Variants in R3HDM2 observed in about 807,000 individuals in gnomAD.
R3HDM2 encodes R3H domain-containing protein 2.
A neutral mutation model predicts 124.5 loss-of-function variants in R3HDM2; 38 were observed. The observed-to-expected ratio is 0.31, with a 90% CI of 0.24 to 0.40. R3HDM2 has a LOEUF of 0.40. Ranked by LOEUF, R3HDM2 falls within the 10% of genes least tolerant of loss-of-function variation. R3HDM2 has a pLI of 1.00. For synonymous variants in R3HDM2, 391 were observed against 448.0 expected, an observed-to-expected ratio of 0.87 and a Z score of 1.61; for missense variants, 869 against 1,236.9, an observed-to-expected ratio of 0.70 and a Z score of 4.46.
At chr12:57,335,310 T>G (rs1325588185) in intron 2 of R3HDM2, among the ~76,000 whole-genome samples, 1 of 151,166 alleles carries the variant, frequency 6.6e-6, no homozygotes, top group Non-Finnish European at 1.5e-5. Context: ...TGGGTTCAAG[T>G]GATTCTCCTG....
At chr12:57,263,355 A>G (rs2041375949) in intron 19 of R3HDM2, among the ~76,000 whole-genome samples, 2 of 152,210 alleles carry the variant, frequency 1.3e-5, no homozygotes, top group African/African-American at 4.8e-5. Context: ...TGGAAATTTT[A>G]AGGCCAAGTG....
Position 57,256,489 on chromosome 12 carries a change from C to A in R3HDM2, c.2472G>T (p.Leu824Phe). 2 of 1,590,264 alleles carry A rather than the reference C, an allele frequency of 1.3e-6. No individual in the cohort carries two copies. Among genetic ancestry groups the A allele is most frequent in the African/African-American group, 1.3e-5 (1 of 74,436 alleles). ...PAQGDGRYSL[L>F]GQPLQYNLSI... is the part of the protein sequence containing the mutation. ...ACAGATTGTACTGTAATGGCTGGCC[C>A]AAAAGGGAGTAGCGCCCATCACCTA... The change falls in exon 22 of 24, where the codon TTG (leucine) becomes TTT (phenylalanine). Residue 824 changes from leucine to phenylalanine, a missense_variant. By Grantham distance (22) the Leu-to-Phe change is conservative. Transcript: ENST00000402412.
At chr12:57,354,260 A>G (rs1040032150) in intron 2 of R3HDM2, among the ~76,000 whole-genome samples, 25 of 151,614 alleles carry the variant, frequency 1.6e-4, no homozygotes, top group African/African-American at 5.8e-4. Flanking sequence ...TCTCATCAAC[A>G]TTTGGTATGG....
chr12:57,260,220 T>C (rs2040332282), intron 19 of R3HDM2, among the ~76,000 whole-genome samples: 1 of 126,094 alleles, frequency 7.9e-6, no homozygotes, highest in Non-Finnish European at 1.6e-5. Context: ...GCCGTGATTA[T>C]GCCATTGCAC....
chr12:57,280,265 T>C, intron 14 of R3HDM2, 93 bp downstream of exon 14: 1 of 1,322,762 alleles, frequency 7.6e-7, no homozygotes, highest in Non-Finnish European at 1.0e-6. Flanking sequence ...AAACTGATCC[T>C]TCCTGCCACC....
chr12:57,421,220 C>T (rs1180067655), intron 1 of R3HDM2, among the ~76,000 whole-genome samples: 1 of 139,856 alleles, frequency 7.2e-6, no homozygotes, highest in Non-Finnish European at 1.5e-5. Context: ...GCTGGTGTCT[C>T]GGCTCACAGC....
At chr12:57,302,266 C>T (rs2138761050) in intron 4 of R3HDM2, among the ~76,000 whole-genome samples, 1 of 151,918 alleles carries the variant, frequency 6.6e-6, no homozygotes, top group African/African-American at 2.4e-5. Context: ...CAGAGTAAGA[C>T]TCCATCTCAA....
At chr12:57,360,406 A>C (rs2061787938) in intron 2 of R3HDM2, among the ~76,000 whole-genome samples, 1 of 152,090 alleles carries the variant, frequency 6.6e-6, no homozygotes, top group African/African-American at 2.4e-5. Flanking sequence ...GTACCACAGA[A>C]ATATTTTTAA....
chr12:57,356,889 C>A (rs988861714), intron 2 of R3HDM2, among the ~76,000 whole-genome samples: 1 of 149,970 alleles, frequency 6.7e-6, no homozygotes, highest in African/African-American at 2.5e-5. Flanking sequence ...GGGCGAATCG[C>A]GAGGTCAGGA....
intron 2 of R3HDM2, among the ~76,000 whole-genome samples, chr12:57,341,737 G>A (rs1188556472): frequency 1.3e-5 from 2 of 152,126 alleles, no homozygotes. Context: ...AAAGATATAG[G>A]ACAGACAGGC....
chr12:57,356,807 T>C (rs1050900069), intron 2 of R3HDM2, among the ~76,000 whole-genome samples: 1 of 152,234 alleles, frequency 6.6e-6, no homozygotes. Context: ...AATGTGTCCA[T>C]TTAATATAAA....
At chr12:57,391,849 C>A (rs2066730324) in intron 2 of R3HDM2, among the ~76,000 whole-genome samples, 1 of 152,166 alleles carries the variant, frequency 6.6e-6, no homozygotes, top group African/African-American at 2.4e-5. Context: ...CTATATTCCA[C>A]ATGTGCAAAG....
chr12:57,297,629 A>G, intron 7 of R3HDM2: 1 of 413,702 alleles, frequency 2.4e-6, no homozygotes, highest in Non-Finnish European at 4.3e-6. Context: ...TTGTTATACC[A>G]TATCAGAAAT....
intron 2 of R3HDM2, among the ~76,000 whole-genome samples, chr12:57,378,340 G>A (rs1449698652): frequency 6.6e-6 from 1 of 152,030 alleles, no homozygotes; most frequent in Non-Finnish European, 1.5e-5. Flanking sequence ...TCATTTTAAG[G>A]ATTTGCTTTC....
At position 57,314,016 on chromosome 12, in the gene R3HDM2, C is replaced by G. The variant is rs545776930; in HGVS notation, c.-35-3553G>C. Among the ~76,000 whole-genome samples, 99 of 151,320 alleles carry G rather than the reference C, an allele frequency of 6.5e-4. 1 individual carries two copies. Among genetic ancestry groups the G allele is most frequent in the African/African-American group, 2.4e-3 (97 of 41,164 alleles). On this transcript the variant is annotated intron_variant, in intron 2 of 23. Transcript: ENST00000402412. The stretch of plus-strand genomic sequence containing the variant: ...CCAGACTGACCAACATGGAGAAACC[C>G]CGTCTCTACTAAAAATACAAAATTA...
rs539742164 is a variant in R3HDM2, at chr12:57,322,328, A to G, written c.-35-11865T>C. On this transcript the variant is annotated intron_variant, in intron 2 of 23. Coordinates refer to ENST00000402412, the MANE Select transcript of R3HDM2 (RefSeq NM_001394031.1). ...AAACCCAAAAATTCCTTTAGGAATC[A>G]AACAGTAGGAACAAACATCCACAGG... is the stretch of plus-strand genomic sequence containing the variant. Among the ~76,000 whole-genome samples the G allele has an allele frequency of 3.9e-5, 6 of 152,344 alleles. No homozygotes were observed. In the East Asian group the frequency reaches 1.2e-3, roughly 29 times the overall value.
intron 11 of R3HDM2, 133 bp from the exon 12 acceptor site, chr12:57,289,173 C>T (rs61937595): frequency 0.073 from 60,431 of 824,706 alleles, 2,971 homozygotes; most frequent in Non-Finnish European, 0.085. Flanking sequence ...GAGAGAGGGG[C>T]CAGGGACAGG....
At chr12:57,259,141 A>G in intron 19 of R3HDM2, 82 bp from the exon 20 acceptor site, 1 of 1,444,762 alleles carries the variant, frequency 6.9e-7, no homozygotes, top group Non-Finnish European at 9.4e-7. Flanking sequence ...GGAAAGCAGC[A>G]AATAAATCCA....
At chr12:57,258,200 G>T (rs1276653300) in intron 20 of R3HDM2, 63 bp from the exon 21 acceptor site, 1 of 1,315,714 alleles carries the variant, frequency 7.6e-7, no homozygotes, top group African/African-American at 1.5e-5. Context: ...TATTCCTATG[G>T]CTTGGCTTAA....
Sources: allele counts gnomAD v4.1 joint callset (sites outside exome capture counted in the v4.1 genomes callset), GRCh38; gene constraint gnomAD v4.1.1; transcripts MANE v1.5; gene names NCBI Gene and HGNC (gene_info 2026-07-23, HGNC 2026-07-21).